UGT8: variants seen among roughly 807,000 people sequenced by gnomAD.
UGT8 encodes 2-hydroxyacylsphingosine 1-beta-galactosyltransferase.
Under a neutral mutation model 40.5 loss-of-function variants are expected in UGT8, and 12 were observed. The observed-to-expected ratio is 0.30, with a 90% confidence interval of 0.19 to 0.48. The LOEUF is 0.48. Ranked by LOEUF, UGT8 falls within the 20% of genes least tolerant of loss-of-function variation. The pLI is 0.99. For missense variants in UGT8, 513 were observed against 648.7 expected (o/e 0.79, Z 2.27); for synonymous variants, 224 against 240.4 (o/e 0.93, Z 0.63).
chr4:114,600,132 G>T (rs902115877), intron 1 of UGT8, among the ~76,000 whole-genome samples: 2 of 152,166 alleles, frequency 1.3e-5, no homozygotes, highest in Admixed American at 1.3e-4. Flanking sequence ...GGAAAATGTC[G>T]CCAAGGGAAG....
At position 114,676,527 on chromosome 4, in the gene UGT8, C is replaced by G; in HGVS notation, c.*239C>G. On this transcript the variant is annotated 3_prime_UTR_variant, in exon 6 of 6. Transcript: ENST00000310836. ...GTTTTGGCACTGAACCTTTTAGAAG[C>G]CTTAATTATTTAAATCAATTCAGTG... is the stretch of plus-strand genomic sequence containing the variant. 2.5e-6 allele frequency: 1 copy of G among 394,752 alleles called. No individual in the cohort carries two copies. The highest frequency in any genetic ancestry group is 4.5e-6 in the Non-Finnish European group (1 of 221,154). The allele number at this position is 394,752 out of a possible 1,614,324, so 24.5% of individuals were successfully genotyped here. A position where few individuals can be genotyped will look rare whatever the true frequency, so the allele number is the denominator to read the frequency against.
chr4:114,676,524 A>G lies in UGT8; in HGVS notation c.*236A>G. Reference sequence around the variant, plus strand: ...AGAGTTTTGGCACTGAACCTTTTAGAAGCCTTAATTATTTAAATCAATTCA... The same window carrying G: ...AGAGTTTTGGCACTGAACCTTTTAGGAGCCTTAATTATTTAAATCAATTCA... On this transcript the variant is annotated 3_prime_UTR_variant, in exon 6 of 6. Transcript: ENST00000310836. The G allele has an allele frequency of 2.4e-6, 1 of 409,662 alleles. No individual in the cohort carries two copies. Among genetic ancestry groups the G allele is most frequent in the Non-Finnish European group, 4.3e-6 (1 of 230,524 alleles). 25.4% of individuals were successfully genotyped at this position (409,662 alleles called of 1,614,324 possible).
chr4:114,656,772 A>G (rs1161744601), intron 2 of UGT8: 14 of 523,164 alleles, frequency 2.7e-5, no homozygotes, highest in South Asian at 2.0e-4. Context: ...GGGAGTGAAG[A>G]GTAGATAAAA....
chr4:114,642,264 CTTCTG>C (rs1394782237), intron 2 of UGT8, among the ~76,000 whole-genome samples: 3 of 151,556 alleles, frequency 2.0e-5, no homozygotes, highest in Non-Finnish European at 4.4e-5. Context: ...CTTTCTGAGT[CTTCTG>C]TTCTCATTTT....
chr4:114,648,223 G>A (rs1257676972), intron 2 of UGT8, among the ~76,000 whole-genome samples: 1 of 152,052 alleles, frequency 6.6e-6, no homozygotes, highest in East Asian at 1.9e-4. Context: ...ACATTTATGT[G>A]CTTTATTAAT....
At chr4:114,613,173 G>A (rs988003156) in intron 1 of UGT8, among the ~76,000 whole-genome samples, 1 of 152,046 alleles carries the variant, frequency 6.6e-6, no homozygotes, top group Non-Finnish European at 1.5e-5. Context: ...TTTTCATTAT[G>A]TGTCACTTAA....
chr4:114,603,138 G>A (rs1482332766), intron 1 of UGT8, among the ~76,000 whole-genome samples: 2 of 152,130 alleles, frequency 1.3e-5, no homozygotes, highest in Non-Finnish European at 2.9e-5. Flanking sequence ...GGAGTGGGTG[G>A]TATAGGAGGA....
chr4:114,629,441 G>T (rs1340033941), intron 2 of UGT8, among the ~76,000 whole-genome samples: 1 of 152,124 alleles, frequency 6.6e-6, no homozygotes, highest in African/African-American at 2.4e-5. Flanking sequence ...CTCAATAAAA[G>T]TTTAATATTT....
intron 5 of UGT8, among the ~76,000 whole-genome samples, chr4:114,669,006 T>C (rs1735067217): frequency 6.6e-6 from 1 of 152,232 alleles, no homozygotes; most frequent in African/African-American, 2.4e-5. Context: ...ACCTTGCATT[T>C]CCAATAGCAT....
intron 2 of UGT8, among the ~76,000 whole-genome samples, chr4:114,631,946 A>G (rs1369946101): frequency 6.6e-6 from 1 of 152,248 alleles, no homozygotes; most frequent in Non-Finnish European, 1.5e-5. Context: ...CCACTTTGTG[A>G]AACTAAGATG....
chr4:114,660,528 A>G (rs1325187293), intron 2 of UGT8, among the ~76,000 whole-genome samples: 1 of 152,020 alleles, frequency 6.6e-6, no homozygotes, highest in African/African-American at 2.4e-5. Context: ...TATTATGTGT[A>G]TTGTAATATT....
In UGT8 at chr4:114,676,007, G is replaced by T; in HGVS notation, c.1345G>T (p.Asp449Tyr). The T allele has an allele frequency of 1.2e-6, 2 of 1,614,174 alleles. No homozygotes were observed. Among genetic ancestry groups the T allele is most frequent in the Non-Finnish European group, 1.7e-6 (2 of 1,180,032 alleles). The stretch of plus-strand genomic sequence containing the variant: ...TGTCAATCGAACTATCTATTGGATA[G>T]ATTATATTATTCGTCACAATGGAGC... The part of the protein sequence containing the change: ...HPVNRTIYWI[D>Y]YIIRHNGAHH... The change falls in exon 6 of 6, where the codon GAT (aspartate) becomes TAT (tyrosine). Residue 449 changes from aspartate (D) to tyrosine (Y), a missense_variant. By Grantham distance (160) the Asp-to-Tyr change is radical. This residue lies in a region of UGT8 where 175 missense variants were observed against 186.7 expected (regional missense o/e 0.94). Coordinates refer to ENST00000310836, the MANE Select transcript of UGT8 (RefSeq NM_001128174.3).
intron 1 of UGT8, 97 bp from the exon 2 acceptor site, chr4:114,622,781 TA>T: frequency 8.9e-7 from 1 of 1,123,522 alleles, no homozygotes. Context: ...GACAAAGTAT[TA>T]GATCAGATAT....
chr4:114,615,138 C>T (rs1731327125), intron 1 of UGT8, among the ~76,000 whole-genome samples: 1 of 151,692 alleles, frequency 6.6e-6, no homozygotes, highest in Non-Finnish European at 1.5e-5. Context: ...TTTAAGCTTT[C>T]TTTTTTTTCT....
intron 2 of UGT8, among the ~76,000 whole-genome samples, chr4:114,644,863 T>C (rs1733463461): frequency 6.6e-6 from 1 of 152,202 alleles, no homozygotes; most frequent in South Asian, 2.1e-4. Flanking sequence ...CACTTGCCTC[T>C]TAAGTTATCA....
intron 5 of UGT8, among the ~76,000 whole-genome samples, chr4:114,672,999 T>A (rs953812157): frequency 6.6e-6 from 1 of 152,172 alleles, no homozygotes; most frequent in African/African-American, 2.4e-5. Flanking sequence ...GGAGAATCGA[T>A]CATTATTAAC....
chr4:114,614,645 G>A (rs1167855975), intron 1 of UGT8, among the ~76,000 whole-genome samples: 1 of 142,762 alleles, frequency 7.0e-6, no homozygotes, highest in Non-Finnish European at 1.5e-5. Context: ...GCATTTTTCA[G>A]TTTTATTTCT....
intron 1 of UGT8, among the ~76,000 whole-genome samples, chr4:114,617,023 C>T (rs939721332): frequency 6.6e-6 from 1 of 152,118 alleles, no homozygotes; most frequent in African/African-American, 2.4e-5. Flanking sequence ...TAGGCTGAGG[C>T]AGGCAGATCA....
intron 4 of UGT8, among the ~76,000 whole-genome samples, chr4:114,666,591 T>C (rs1460570714): frequency 6.6e-6 from 1 of 152,166 alleles, no homozygotes; most frequent in Non-Finnish European, 1.5e-5. Context: ...TGACTTAGAT[T>C]CCTTAGAAGA....
Sources: allele counts gnomAD v4.1 joint callset (sites outside exome capture counted in the v4.1 genomes callset), GRCh38; gene constraint gnomAD v4.1.1; regional missense constraint gnomAD v4.1.1; transcripts MANE v1.5; gene names NCBI Gene and HGNC (gene_info 2026-07-23, HGNC 2026-07-21).